Variants in DSC2 observed in about 807,000 individuals in gnomAD.
DSC2 encodes the protein desmocollin-2.
In DSC2, 51 loss-of-function variants were observed where a neutral mutation model predicts 87.6. The ratio of observed to expected loss-of-function variants is 0.58; its 90% CI spans 0.46 to 0.74. The LOEUF (loss-of-function observed/expected upper bound fraction) is 0.74, where lower values mean the gene tolerates loss of function less well. Ranked by LOEUF, DSC2 falls within the 30% of genes least tolerant of loss-of-function variation. The pLI, the probability that DSC2 is intolerant of heterozygous loss-of-function variation, is 0.00. For missense variants in DSC2, 1,066 were observed against 1,089.5 expected (o/e 0.98, Z 0.30); for synonymous variants, 383 against 393.2 (o/e 0.97, Z 0.31).
intron 15 of DSC2, among the ~76,000 whole-genome samples, chr18:31,068,689 C>A (rs1389728199): frequency 6.6e-6 from 1 of 151,930 alleles, no homozygotes; most frequent in Non-Finnish European, 1.5e-5. Context: ...TTTAGTAATT[C>A]TTTCAATTAA....
Position 31,080,140 on chromosome 18 carries a change from T to A in DSC2, c.1476A>T (p.Gly492=). 6.2e-7 allele frequency: 1 copy of A among 1,614,142 alleles called. No individual in the cohort carries two copies. The highest frequency in any genetic ancestry group is 1.1e-5 in the South Asian group (1 of 91,082). The change falls in exon 10 of 16, where the codon GGA becomes GGT. Residue 492 remains glycine (G), a synonymous_variant. Transcript: ENST00000280904. ...TTGTTTCTGGGTCATATGCTTTATA[T>A]CCATTGCTTGTTGTTCCCACTTCTG... ...ENAEVGTTSN[G]YKAYDPETRS...
chr18:31,092,758 C>G (rs1987642525), intron 2 of DSC2, among the ~76,000 whole-genome samples: 1 of 151,906 alleles, frequency 6.6e-6, no homozygotes, highest in African/African-American at 2.4e-5. Context: ...TCTTTTCTTA[C>G]AGAATTATGT....
At chr18:31,079,096 G>A (rs1456023740) in intron 11 of DSC2, among the ~76,000 whole-genome samples, 2 of 151,998 alleles carry the variant, frequency 1.3e-5, no homozygotes, top group African/African-American at 4.8e-5. Context: ...TTAGCTTCCT[G>A]TAAAAAGTTA....
rs202004576 is a variant in DSC2 at position 31,082,040 on chromosome 18, TTA to T, written c.1263+196_1263+197del. Among the ~76,000 whole-genome samples the T allele has an allele frequency of 2.1e-3, 317 of 150,522 alleles. 6 individuals are homozygous for T. Among genetic ancestry groups the T allele is most frequent in the South Asian group, 2.9e-3 (14 of 4,784 alleles). On this transcript the variant is annotated intron_variant, in intron 9 of 15. Transcript: ENST00000280904. ...ATAGATATTGTATTATATGGACTTT[TTA>T]AAAAAAAAAATACCTAAACAAAAGA...
chr18:31,070,778 G>A lies in DSC2; in HGVS notation c.2198C>T (p.Ala733Val), dbSNP rs886053695. Residue 733 changes from alanine (A) to valine (V), a missense_variant, in exon 14 of 16, where the codon GCC (alanine) becomes GTC (valine). Transcript: ENST00000280904. ...GTTTGATACAATTAGGTTCTGCTGG[G>A]CTAAATCATCAGGAATTACTTTTGG... is the stretch of plus-strand genomic sequence containing the variant. ...KQPKVIPDDL[A>V]QQNLIVSNTE... is the part of the protein sequence containing the mutation. 6.2e-7 allele frequency: 1 copy of A among 1,613,948 alleles called. No homozygotes were observed. Among genetic ancestry groups the A allele is most frequent in the Non-Finnish European group, 8.5e-7 (1 of 1,179,884 alleles).
chr18:31,065,660 G>A lies in DSC2; in HGVS notation c.*2355C>T, dbSNP rs1986596516. Reference sequence around the variant, plus strand: ...CTGGACAGCTAGGGAAGAAGCCAAGGAAGGGATTGACAGGGAGAATCTAAA... The same window carrying A: ...CTGGACAGCTAGGGAAGAAGCCAAGAAAGGGATTGACAGGGAGAATCTAAA... On this transcript the variant is annotated 3_prime_UTR_variant, in exon 16 of 16. Transcript: ENST00000280904. 6.6e-6 allele frequency: 1 copy of A among 152,216 alleles called. No homozygotes were observed. The highest frequency in any genetic ancestry group is 2.1e-4 in the South Asian group (1 of 4,826). The allele number at this position is 152,216 out of a possible 1,614,324, so 9.4% of individuals were successfully genotyped here. A position where few individuals can be genotyped will look rare whatever the true frequency, so the allele number is the denominator to read the frequency against.
chr18:31,098,146 T>C (rs1987821719), intron 1 of DSC2, among the ~76,000 whole-genome samples: 1 of 152,204 alleles, frequency 6.6e-6, no homozygotes, highest in African/African-American at 2.4e-5. Flanking sequence ...TATGTATATA[T>C]GTACTCTTAT....
In DSC2 at chr18:31,065,177, G is replaced by T. The variant is rs755528274; in HGVS notation, c.*2838C>A. ...GCTGAATACCACAAATGAGAGACCT[G>T]GAAGCTACTATGAGCCATGAAATTC... On this transcript the variant is annotated 3_prime_UTR_variant, in exon 16 of 16. Coordinates refer to ENST00000280904, the MANE Select transcript of DSC2 (RefSeq NM_024422.6). The T allele has an allele frequency of 2.0e-5, 3 of 152,140 alleles. No individual in the cohort carries two copies. Among genetic ancestry groups the T allele is most frequent in the Non-Finnish European group, 2.9e-5 (2 of 68,042 alleles). 9.4% of individuals were successfully genotyped at this position (152,140 alleles called of 1,614,324 possible). A position where few individuals can be genotyped will look rare whatever the true frequency, so the allele number is the denominator to read the frequency against.
chr18:31,074,930 A>G, intron 11 of DSC2, 23 bp from the exon 12 acceptor site: 1 of 1,593,412 alleles, frequency 6.3e-7, no homozygotes, highest in South Asian at 1.1e-5. Flanking sequence ...AAATAAAAAT[A>G]GTTTTTCTAT....
At chr18:31,070,203 T>C (rs1986777292) in intron 14 of DSC2, among the ~76,000 whole-genome samples, 1 of 152,210 alleles carries the variant, frequency 6.6e-6, no homozygotes, top group Admixed American at 6.5e-5. Context: ...CTTTTCCACA[T>C]ATTGAGCTAG....
At chr18:31,101,727 G>C (rs1398345705) in intron 1 of DSC2, 176 bp downstream of exon 1, 1 of 647,718 alleles carries the variant, frequency 1.5e-6, no homozygotes, top group East Asian at 3.1e-5. Flanking sequence ...CTCTCAGGTC[G>C]CGATCCTCTT....
chr18:31,091,961 C>T, intron 3 of DSC2, 140 bp downstream of exon 3: 1 of 787,268 alleles, frequency 1.3e-6, no homozygotes, highest in South Asian at 1.9e-5. Context: ...TCCTTCTAAA[C>T]ACTGTGAAGT....
At position 31,068,973 on chromosome 18, in the gene DSC2, C is replaced by T. The variant is rs778841323; in HGVS notation, c.2429G>A (p.Arg810Lys). ...GTTGTCCACCTCCGTGTGTCCTCCCCTGCAGGAGTCCAGGGTGTGATGGTG... is the reference window on the plus strand; with the variant it reads ...GTTGTCCACCTCCGTGTGTCCTCCCTTGCAGGAGTCCAGGGTGTGATGGTG... ...AGHHHTLDSC[R>K]GGHTEVDNCR... Residue 810 changes from arginine to lysine, a missense_variant, in exon 15 of 16, where the codon AGG (arginine) becomes AAG (lysine). Arg to Lys is a conservative substitution (Grantham distance 26). Coordinates refer to ENST00000280904, the MANE Select transcript of DSC2 (RefSeq NM_024422.6). The T allele has an allele frequency of 6.2e-7, 1 of 1,614,090 alleles. No homozygotes were observed. The highest frequency in any genetic ancestry group is 1.3e-5 in the African/African-American group (1 of 75,030).
In DSC2 at chr18:31,074,850, C is replaced by T. The variant is rs150318400; in HGVS notation, c.1721G>A (p.Ser574Asn). Residue 574 changes from serine to asparagine, a missense_variant, in exon 12 of 16, where the codon AGC becomes AAC. Ser to Asn is a conservative substitution (Grantham distance 46). Transcript: ENST00000280904. ...CACTGTCTTTTTAGGTATGAATGGG[C>T]TGTTATCATTCACGTCTTGAAGTAT... Reference protein sequence around the residue: ...GIILQDVNDNSPFIPKKTVII... With the variant: ...GIILQDVNDNNPFIPKKTVII... 8.7e-5 allele frequency: 141 copies of T among 1,613,806 alleles called. No individual in the cohort carries two copies. Among genetic ancestry groups the T allele is most frequent in the Non-Finnish European group, 1.1e-4 (133 of 1,179,984 alleles).
At chr18:31,068,365 T>C (rs1398605790) in intron 15 of DSC2, 153 bp from the exon 16 acceptor site, 4 of 1,609,804 alleles carry the variant, frequency 2.5e-6, no homozygotes, top group Middle Eastern at 1.9e-4. Flanking sequence ...AAAATGCACA[T>C]GATTGGTCTG....
At chr18:31,096,863 A>G (rs1019163394) in intron 1 of DSC2, among the ~76,000 whole-genome samples, 1 of 151,916 alleles carries the variant, frequency 6.6e-6, no homozygotes, top group African/African-American at 2.4e-5. Context: ...AGGAAGATGT[A>G]AAAAAAATCT....
intron 7 of DSC2, among the ~76,000 whole-genome samples, chr18:31,084,481 T>A (rs1987330396): frequency 6.6e-6 from 1 of 152,108 alleles, no homozygotes; most frequent in South Asian, 2.1e-4. Flanking sequence ...TTAAAGGGAC[T>A]AAAAGGTTGT....
intron 11 of DSC2, among the ~76,000 whole-genome samples, chr18:31,079,503 C>G (rs1027735465): frequency 6.6e-6 from 1 of 152,144 alleles, no homozygotes; most frequent in African/African-American, 2.4e-5. Flanking sequence ...GATCCTCCAG[C>G]CTTAGCCTCC....
At chr18:31,086,127 A>G (rs926704067) in intron 7 of DSC2, among the ~76,000 whole-genome samples, 1 of 152,198 alleles carries the variant, frequency 6.6e-6, no homozygotes, top group Non-Finnish European at 1.5e-5. Context: ...GTTAAATTTT[A>G]GATTTATTAC....
Sources: allele counts gnomAD v4.1 joint callset (sites outside exome capture counted in the v4.1 genomes callset), GRCh38; gene constraint gnomAD v4.1.1; transcripts MANE v1.5; gene names NCBI Gene and HGNC (gene_info 2026-07-23, HGNC 2026-07-21).